Variants in LRCOL1 observed in about 807,000 individuals in gnomAD.
The protein encoded by LRCOL1 is leucine-rich colipase-like protein 1.
In LRCOL1, 21 loss-of-function variants were observed where a neutral mutation model predicts 21.6. The observed-to-expected ratio is 0.97, with a 90% confidence interval of 0.69 to 1.40. LRCOL1 has a LOEUF of 1.40. Ranked by LOEUF, LRCOL1 falls within the 40% of genes most tolerant of loss-of-function variation. The pLI, the probability that LRCOL1 is intolerant of heterozygous loss-of-function variation, is 0.00. For missense variants in LRCOL1, 198 were observed against 202.3 expected, an observed-to-expected ratio of 0.98 and a Z score of 0.13; for synonymous variants, 98 against 90.1, an observed-to-expected ratio of 1.09 and a Z score of -0.49.
Position 132,606,335 on chromosome 12 carries a change from C to T in LRCOL1, c.-13-71G>A, listed in dbSNP as rs2041310662. The T allele has an allele frequency of 5.5e-6, 7 of 1,262,614 alleles. No individual in the cohort carries two copies. In the South Asian group the frequency reaches 9.3e-5, roughly 17 times the overall value. 78.2% of individuals were successfully genotyped at this position (1,262,614 alleles called of 1,614,324 possible). The stretch of plus-strand genomic sequence containing the variant: ...GTCCTGCCTGGCACCTGGTGCTGGC[C>T]TCCCCACTCCCTTCCCATCCCTTCC... On this transcript the variant is annotated intron_variant, in intron 1 of 5. Transcript: ENST00000376608. This position sits in a 1 kb window ranked among gnomAD's most constrained non-coding sequence, Gnocchi z 4.6.
intron 1 of LRCOL1, among the ~76,000 whole-genome samples, chr12:132,609,674 G>T (rs779818295): frequency 1.3e-5 from 2 of 152,174 alleles, no homozygotes; most frequent in African/African-American, 2.4e-5. Context: ...TCCAGCCTGG[G>T]CAACAGAGTG....
chr12:132,603,742 C>G (rs1033411810), intron 5 of LRCOL1: 1 of 985,316 alleles, frequency 1.0e-6, no homozygotes, highest in Admixed American at 6.1e-5. Context: ...CACTTGCGCC[C>G]CCACCGCGTT....
rs142712289 is a variant in LRCOL1, at chr12:132,606,725, C to T, written c.-13-461G>A. Among the ~76,000 whole-genome samples the T allele has an allele frequency of 1.6e-4, 25 of 152,230 alleles. No homozygotes were observed. The East Asian group carries it at 4.9e-3, about 30-fold the overall frequency. On this transcript the variant is annotated intron_variant, in intron 1 of 5. Coordinates refer to ENST00000376608, the MANE Select transcript of LRCOL1 (RefSeq NM_001195520.2). The surrounding 1 kb of genome is among the most constrained non-coding windows in gnomAD (Gnocchi z 4.6). The stretch of plus-strand genomic sequence containing the variant: ...CTCCCTCCCCAGCTGCTGACAGCCA[C>T]CGAGCTTTTCACTGTCAGCTTGGTT...
Position 132,604,462 on chromosome 12 carries a change from CT to C in LRCOL1, c.353del (p.Lys118SerfsTer21). 6.5e-7 allele frequency: 1 copy of C among 1,535,158 alleles called. No individual in the cohort carries two copies. Among genetic ancestry groups the C allele is most frequent in the Non-Finnish European group, 8.7e-7 (1 of 1,146,148 alleles). ...TCTGCCCCGGGTGCCCGCAGCTCACCTTGCGCCAGGGCACACACTGCAGGAA... is the reference window on the plus strand; with the variant it reads ...TCTGCCCCGGGTGCCCGCAGCTCACCTGCGCCAGGGCACACACTGCAGGAA... ...SVFLQCVPWR[K>X]PNGDFCSSHQ... On this transcript the variant is annotated frameshift_variant and splice_region_variant, in exon 4 of 6. Coordinates refer to ENST00000376608, the MANE Select transcript of LRCOL1 (RefSeq NM_001195520.2). LOFTEE classifies it high-confidence loss of function.
Position 132,603,403 on chromosome 12 carries a change from C to A in LRCOL1, c.479G>T (p.Ter160LeuextTer43), listed in dbSNP as rs939347545. The stretch of plus-strand genomic sequence containing the variant: ...CTCGCGCCCAGGTTCGAGCTCACAT[C>A]ACTGAAGGAGAAGCCAAAGCTGAGG... ...TGILAQCLPL[*>L] The change falls in exon 6 of 6, where the codon TGA becomes TTA. Residue 160 changes from the stop codon to leucine (L), a stop_lost and splice_region_variant. Transcript: ENST00000376608. 4 of 1,536,114 alleles carry A rather than the reference C, an allele frequency of 2.6e-6. No homozygotes were observed. The African/African-American group carries it at 5.5e-5, about 21-fold the overall frequency.
chr12:132,605,602 G>A (rs558210769), intron 2 of LRCOL1, among the ~76,000 whole-genome samples: 68 of 152,028 alleles, frequency 4.5e-4, no homozygotes, highest in African/African-American at 1.3e-3. Flanking sequence ...GGTGGCGCGC[G>A]CCTGTAATCC....
At chr12:132,607,268 C>T (rs1482453567) in intron 1 of LRCOL1, among the ~76,000 whole-genome samples, 13 of 152,194 alleles carry the variant, frequency 8.5e-5, no homozygotes, top group Non-Finnish European at 1.9e-4. Context: ...CTCTTTTCCT[C>T]CTGGGTTCCA....
At chr12:132,604,201 C>T in intron 5 of LRCOL1, 53 bp downstream of exon 5, 1 of 1,493,582 alleles carries the variant, frequency 6.7e-7, no homozygotes, top group Non-Finnish European at 8.9e-7. Flanking sequence ...TGTGCGACTT[C>T]CCTGTGGCGG....
rs1480626961 is a variant in LRCOL1, at chr12:132,603,642, TGGTGGTAC to T, written c.478-246_478-239del. ...GCGCCTGGTGGTACCCGAGGGCGCCTGGTGGTACCCGAGGGCTGTGAACAAACCTCACC... is the reference window on the plus strand; with the variant it reads ...GCGCCTGGTGGTACCCGAGGGCGCCTCCGAGGGCTGTGAACAAACCTCACC... On this transcript the variant is annotated intron_variant, in intron 5 of 5. Coordinates refer to ENST00000376608, the MANE Select transcript of LRCOL1 (RefSeq NM_001195520.2). 107 of 233,884 alleles carry T rather than the reference TGGTGGTAC, an allele frequency of 4.6e-4. No individual in the cohort carries two copies. In the African/African-American group the frequency reaches 5.2e-3, roughly 11 times the overall value. 14.5% of individuals were successfully genotyped at this position (233,884 alleles called of 1,614,324 possible).
intron 1 of LRCOL1, among the ~76,000 whole-genome samples, chr12:132,609,147 C>A (rs1464867971): frequency 6.6e-6 from 1 of 152,222 alleles, no homozygotes; most frequent in Non-Finnish European, 1.5e-5. Context: ...GCCACACAGC[C>A]ACCCTGAGGA....
At position 132,603,202 on chromosome 12, in the gene LRCOL1, T is replaced by TG; in HGVS notation, c.*199dup. ...GTTTAACAATCAGGCTACACCCCAG[T>TG]GCCTGGGATTTGTTCTCACAGACAC... On this transcript the variant is annotated 3_prime_UTR_variant, in exon 6 of 6. Transcript: ENST00000376608. 1.4e-6 allele frequency: 1 copy of TG among 714,508 alleles called. No homozygotes were observed. Among genetic ancestry groups the TG allele is most frequent in the South Asian group, 2.0e-5 (1 of 50,334 alleles). 44.3% of individuals were successfully genotyped at this position (714,508 alleles called of 1,614,324 possible). A position where few individuals can be genotyped will look rare whatever the true frequency, so the allele number is the denominator to read the frequency against.
chr12:132,607,915 G>GTC (rs63256761), intron 1 of LRCOL1, among the ~76,000 whole-genome samples: 19,751 of 97,398 alleles, frequency 0.2, 2,292 homozygotes, highest in African/African-American at 0.31. Flanking sequence ...CCCTCTCTCC[G>GTC]TCTGTCTCTC....
rs1367954294 is a variant in LRCOL1 at position 132,604,722 on chromosome 12, C to T, written c.215G>A (p.Cys72Tyr). ...GCACCTCACCTTCCTCCAGGGCAGG[C>T]ACTGCAGGAAGATGGTCTTAGGGGT... Reference protein sequence around the residue: ...LCTPKTIFLQCLPWRKPNGYR... With the variant: ...LCTPKTIFLQYLPWRKPNGYR... The change falls in exon 3 of 6, where the codon TGC (cysteine) becomes TAC (tyrosine). Residue 72 changes from cysteine to tyrosine, a missense_variant. Coordinates refer to ENST00000376608, the MANE Select transcript of LRCOL1 (RefSeq NM_001195520.2). The T allele has an allele frequency of 6.5e-7, 1 of 1,536,190 alleles. No homozygotes were observed. The highest frequency in any genetic ancestry group is 1.2e-5 in the South Asian group (1 of 84,066).
chr12:132,605,136 T>C, intron 2 of LRCOL1: 1 of 1,166,034 alleles, frequency 8.6e-7, no homozygotes, highest in African/African-American at 1.6e-5. Context: ...TGCCTGGCAT[T>C]TTACAGGAGA....
chr12:132,603,750 G>A (rs2041259247), intron 5 of LRCOL1: 4 of 985,388 alleles, frequency 4.1e-6, no homozygotes, highest in East Asian at 1.1e-4. Context: ...CCCCCACCGC[G>A]TTTGCGCCGC....
At chr12:132,605,759 A>G (rs955134162) in intron 2 of LRCOL1, 2 of 177,224 alleles carry the variant, frequency 1.1e-5, no homozygotes, top group African/African-American at 4.8e-5. Flanking sequence ...ACACACACGC[A>G]CACAATTTAA....
intron 5 of LRCOL1, chr12:132,604,053 A>G: frequency 7.1e-7 from 1 of 1,401,598 alleles, no homozygotes; most frequent in Non-Finnish European, 9.2e-7. Flanking sequence ...TGGTGGGCTC[A>G]GTGCCAGCCC....
chr12:132,605,836 C>G (rs571303318), intron 2 of LRCOL1: 8 of 399,880 alleles, frequency 2.0e-5, no homozygotes, highest in African/African-American at 1.4e-4. Context: ...TGGTGCAGCT[C>G]CCATGTGGCC....
intron 5 of LRCOL1, chr12:132,603,617 GCGCC>G: frequency 3.3e-5 from 3 of 90,350 alleles, no homozygotes; most frequent in African/African-American, 5.1e-4. Flanking sequence ...GCCCACGAGG[GCGCC>G]TGGTGGTACC....
Sources: allele counts gnomAD v4.1 joint callset (sites outside exome capture counted in the v4.1 genomes callset), GRCh38; gene constraint gnomAD v4.1.1; non-coding constraint Gnocchi (gnomAD v3.1); transcripts MANE v1.5; gene names NCBI Gene and HGNC (gene_info 2026-07-23, HGNC 2026-07-21).